SIN3B: variants seen among roughly 807,000 people sequenced by gnomAD.
The protein encoded by SIN3B is paired amphipathic helix protein Sin3b.
A neutral mutation model predicts 120.2 loss-of-function variants in SIN3B; 19 were observed. That is an observed-to-expected ratio of 0.16 (90% CI 0.11 to 0.23). SIN3B has a LOEUF of 0.23. Ranked by LOEUF, SIN3B falls within the 10% of genes least tolerant of loss-of-function variation. SIN3B has a pLI of 1.00. For missense variants in SIN3B, 1,073 were observed against 1,573.0 expected (o/e 0.68, Z 5.38); for synonymous variants, 654 against 653.2 (o/e 1.00, Z -0.02).
At chr19:16,864,501 T>TTC (rs1425240887) in intron 10 of SIN3B, among the ~76,000 whole-genome samples, 1 of 151,662 alleles carries the variant, frequency 6.6e-6, no homozygotes, top group Admixed American at 6.6e-5. Context: ...AGTTGTTTTT[T>TTC]TTACTTTTTT....
At chr19:16,865,316 C>CCAA in intron 10 of SIN3B, 94 bp from the exon 11 acceptor site, 1 of 543,638 alleles carries the variant, frequency 1.8e-6, no homozygotes, top group East Asian at 3.5e-5. Context: ...ACCCCCCCCC[C>CCAA]AAAAAAATCC....
At chr19:16,838,423 G>T (rs1478346514) in intron 3 of SIN3B, among the ~76,000 whole-genome samples, 47 of 152,196 alleles carry the variant, frequency 3.1e-4, no homozygotes, top group Non-Finnish European at 4.4e-5. Flanking sequence ...ATATCAGTGG[G>T]GTCATACACC....
chr19:16,832,300 C>T (rs1428476975), intron 3 of SIN3B, among the ~76,000 whole-genome samples: 1 of 148,872 alleles, frequency 6.7e-6, no homozygotes, highest in Admixed American at 6.9e-5. Context: ...CAGGTTCAAG[C>T]AATTCTCCTG....
In SIN3B at chr19:16,871,211, G is replaced by A. The variant is rs2144623314; in HGVS notation, c.2423-18G>A. ...CGCTCTCCAGGAGGCATATGGATGA[G>A]GCGGTGTGTCTCCGCAGGTGAAGTG... On this transcript the variant is annotated intron_variant, in intron 13 of 18. Coordinates refer to ENST00000248054, the MANE Select transcript of SIN3B (RefSeq NM_001297595.2). 1.9e-6 allele frequency: 3 copies of A among 1,614,026 alleles called. No individual in the cohort carries two copies. Among genetic ancestry groups the A allele is most frequent in the East Asian group, 4.5e-5 (2 of 44,892 alleles).
intron 12 of SIN3B, among the ~76,000 whole-genome samples, chr19:16,868,284 A>G (rs1370867822): frequency 6.6e-6 from 1 of 152,124 alleles, no homozygotes; most frequent in African/African-American, 2.4e-5. Flanking sequence ...GCTTGGCCCT[A>G]CCAGCCTCTA....
At position 16,865,640 on chromosome 19, in the gene SIN3B, C is replaced by T. The variant is rs201772700; in HGVS notation, c.1614C>T (p.Val538=). The T allele has an allele frequency of 2.0e-5, 32 of 1,599,802 alleles. No individual in the cohort carries two copies. The highest frequency in any genetic ancestry group is 3.7e-4 in the Middle Eastern group (2 of 5,410). The stretch of plus-strand genomic sequence containing the variant: ...ACCCTGTCACCGCTGTCCCCGTTGT[C>T]CTGAAAAGGTGCCCTGTGGCGTCCC... ...KKNPVTAVPV[V]LKRLKAKEEE... is the part of the protein sequence containing the mutation. The change falls in exon 11 of 19, where the codon GTC becomes GTT. Residue 538 remains valine, a synonymous_variant. Coordinates refer to ENST00000248054, the MANE Select transcript of SIN3B (RefSeq NM_001297595.2).
At chr19:16,835,993 T>C (rs80051395) in intron 3 of SIN3B, among the ~76,000 whole-genome samples, 19,320 of 151,522 alleles carry the variant, frequency 0.13, 1,607 homozygotes, top group East Asian at 0.27. Context: ...AGTATCTTTT[T>C]CCCCCCCCAA....
At chr19:16,865,289 A>G in intron 10 of SIN3B, 121 bp from the exon 11 acceptor site, 1 of 563,924 alleles carries the variant, frequency 1.8e-6, no homozygotes, top group Non-Finnish European at 3.2e-6. Context: ...GCAAGACCCT[A>G]TCTCTTAAAT....
chr19:16,868,310 G>T lies in SIN3B; in HGVS notation c.1807-1150G>T, dbSNP rs115459943. Among the ~76,000 whole-genome samples, 231 of 152,290 alleles carry T rather than the reference G, an allele frequency of 1.5e-3. 2 individuals carry two copies. The highest frequency in any genetic ancestry group is 5.1e-3 in the African/African-American group (214 of 41,568). ...CCAGCCTCTAAGCCGCCTTGCAGGG[G>T]AGGAGGAAGGGAAACCTCAGGCTGC... On this transcript the variant is annotated intron_variant, in intron 12 of 18. Transcript: ENST00000248054.
chr19:16,878,938 G>T lies in SIN3B; in HGVS notation c.*211G>T. 1 of 575,062 alleles carries T rather than the reference G, an allele frequency of 1.7e-6. No homozygotes were observed. The allele number at this position is 575,062 out of a possible 1,614,324, so 35.6% of individuals were successfully genotyped here. On this transcript the variant is annotated 3_prime_UTR_variant, in exon 19 of 19. Transcript: ENST00000248054. ...CCAAACCTGAGCTACCTGCACCCGA[G>T]CCCTGGGGCTCAGCCCCACCACAGG...
chr19:16,870,261 C>T (rs1009630306), intron 13 of SIN3B, among the ~76,000 whole-genome samples, 186 bp downstream of exon 13: 1 of 152,230 alleles, frequency 6.6e-6, no homozygotes, highest in Non-Finnish European at 1.5e-5. Flanking sequence ...GTACCCCTCG[C>T]CCAGGCTCCC....
Position 16,854,146 on chromosome 19 carries a change from C to A in SIN3B, c.943C>A (p.Arg315Ser). Residue 315 changes from arginine (R) to serine (S), a missense_variant, in exon 8 of 19, where the codon CGC becomes AGC. Arg to Ser is a moderately radical substitution (Grantham distance 110). This residue lies in a region of SIN3B where 395 missense variants were observed against 528.0 expected (regional missense o/e 0.75). Coordinates refer to ENST00000248054, the MANE Select transcript of SIN3B (RefSeq NM_001297595.2). ...LQEFSFFDKV[R>S]RVLKSQEVYE... Reference sequence around the variant, plus strand: ...TCCCTGACTGCTCTCTCTGCAGGTCCGCCGGGTGCTGAAGAGCCAGGAGGT... The same window carrying A: ...TCCCTGACTGCTCTCTCTGCAGGTCAGCCGGGTGCTGAAGAGCCAGGAGGT... 6.2e-7 allele frequency: 1 copy of A among 1,610,674 alleles called. No homozygotes were observed. The highest frequency in any genetic ancestry group is 8.5e-7 in the Non-Finnish European group (1 of 1,179,004).
chr19:16,831,023 G>A (rs556866561), intron 2 of SIN3B, among the ~76,000 whole-genome samples: 15 of 152,162 alleles, frequency 9.9e-5, no homozygotes, highest in African/African-American at 3.6e-4. Context: ...TAGCCAGTCA[G>A]GAGATAGGTC....
intron 4 of SIN3B, among the ~76,000 whole-genome samples, chr19:16,845,416 G>A (rs1481111240): frequency 6.6e-6 from 1 of 152,116 alleles, no homozygotes; most frequent in Non-Finnish European, 1.5e-5. Flanking sequence ...GGGACTACAG[G>A]CACGCGCCCC....
chr19:16,855,405 T>G (rs1971602064), intron 8 of SIN3B: 1 of 112,884 alleles, frequency 8.9e-6, no homozygotes, highest in African/African-American at 3.5e-5. Flanking sequence ...CCCTGGAGAT[T>G]CACCTGATAA....
At chr19:16,867,862 C>T (rs540539467) in intron 12 of SIN3B, among the ~76,000 whole-genome samples, 28 of 152,264 alleles carry the variant, frequency 1.8e-4, no homozygotes, top group Non-Finnish European at 2.9e-4. Context: ...TAGTCCTCGG[C>T]GATCCTCAAG....
rs972461039 is a variant in SIN3B, at chr19:16,876,664, C to A, written c.2859+86C>A. On this transcript the variant is annotated intron_variant, in intron 16 of 18. Transcript: ENST00000248054. This position sits in a 1 kb window ranked among gnomAD's most constrained non-coding sequence, Gnocchi z 7.1. The stretch of plus-strand genomic sequence containing the variant: ...GGGGCTCCCACCAGCCAAGCGCAGG[C>A]CGCGCAGCATCCAGAGACCCTCCCT... The A allele has an allele frequency of 9.4e-7, 1 of 1,064,612 alleles. No individual in the cohort carries two copies. The highest frequency in any genetic ancestry group is 2.5e-5 in the East Asian group (1 of 39,974). The allele number at this position is 1,064,612 out of a possible 1,614,324, so 65.9% of individuals were successfully genotyped here.
intron 8 of SIN3B, among the ~76,000 whole-genome samples, chr19:16,861,358 G>T (rs1199431840): frequency 6.6e-6 from 1 of 152,226 alleles, no homozygotes; most frequent in Non-Finnish European, 1.5e-5. Context: ...TAGGCATGGT[G>T]GCTCACGCCT....
chr19:16,863,329 A>AGG, intron 9 of SIN3B: 1 of 358,666 alleles, frequency 2.8e-6, no homozygotes, highest in Non-Finnish European at 5.0e-6. Flanking sequence ...AATGCAGTGT[A>AGG]ACAATGATCT....
Sources: allele counts gnomAD v4.1 joint callset (sites outside exome capture counted in the v4.1 genomes callset), GRCh38; gene constraint gnomAD v4.1.1; regional missense constraint gnomAD v4.1.1; non-coding constraint Gnocchi (gnomAD v3.1); transcripts MANE v1.5; gene names NCBI Gene and HGNC (gene_info 2026-07-23, HGNC 2026-07-21).